TMEM266: variants seen among roughly 807,000 people sequenced by gnomAD.
TMEM266 encodes the protein Hv1 related protein 1.
A neutral mutation model predicts 50.5 loss-of-function variants in TMEM266; 33 were observed. That is an observed-to-expected ratio of 0.65 (90% confidence interval 0.50 to 0.87). The LOEUF is 0.87. TMEM266 is among the 40% of genes least tolerant of loss of function. The probability of loss-of-function intolerance (pLI) is 0.00; values close to 1 mark genes in which losing one functional copy is unlikely to be tolerated. For synonymous variants in TMEM266, 310 were observed against 292.3 expected (o/e 1.06, Z -0.62); for missense variants, 655 against 695.1 (o/e 0.94, Z 0.65).
chr15:76,084,608 T>TG (rs576349602), intron 1 of TMEM266, among the ~76,000 whole-genome samples: 33,335 of 137,372 alleles, frequency 0.24, 4,066 homozygotes, highest in Non-Finnish European at 0.27. Context: ...GTTTTTTTTT[T>TG]TTTGTTTTTT....
At chr15:76,094,239 A>G (rs1421090523) in intron 1 of TMEM266, among the ~76,000 whole-genome samples, 4 of 152,006 alleles carry the variant, frequency 2.6e-5, no homozygotes, top group African/African-American at 7.2e-5. Flanking sequence ...TAGGATTTTT[A>G]TAGTCCTAGG....
chr15:76,079,483 C>T (rs1341520495), intron 1 of TMEM266, among the ~76,000 whole-genome samples: 1 of 147,422 alleles, frequency 6.8e-6, no homozygotes, highest in African/African-American at 2.5e-5. Flanking sequence ...TGCAAAGATA[C>T]TATTTCTAAA....
intron 7 of TMEM266, among the ~76,000 whole-genome samples, chr15:76,172,051 C>A (rs187688484): frequency 6.6e-6 from 1 of 152,248 alleles, no homozygotes; most frequent in Admixed American, 6.5e-5. Flanking sequence ...AAGAGGCCCA[C>A]CCCACCTCAG....
Position 76,204,105 on chromosome 15 carries a change from CCTCGCCCGGCCCAGCCCAG to C in TMEM266, c.1388_1406del (p.Leu463ArgfsTer14), listed in dbSNP as rs1653093490. On this transcript the variant is annotated frameshift_variant, in exon 11 of 11. Coordinates refer to ENST00000388942, the MANE Select transcript of TMEM266 (RefSeq NM_152335.3). LOFTEE classifies it high-confidence loss of function. The stretch of plus-strand genomic sequence containing the variant: ...CCCAGAAGGCCTTGGACCCAGCCCC[CCTCGCCCGGCCCAGCCCAG>C]CGGGCTCGGCCCAAACCAGCCCCGA... 6.2e-7 allele frequency: 1 copy of C among 1,613,032 alleles called. No homozygotes were observed. The highest frequency in any genetic ancestry group is 1.3e-5 in the African/African-American group (1 of 75,036).
At chr15:76,066,596 A>G (rs2036424775) in intron 1 of TMEM266, among the ~76,000 whole-genome samples, 1 of 151,504 alleles carries the variant, frequency 6.6e-6, no homozygotes, top group Admixed American at 6.6e-5. Flanking sequence ...CCTGGTGAAG[A>G]GGGCATTGAA....
chr15:76,120,502 C>T (rs933941067), intron 1 of TMEM266, among the ~76,000 whole-genome samples: 3 of 151,838 alleles, frequency 2.0e-5, no homozygotes, highest in Non-Finnish European at 2.9e-5. Context: ...GGCTCACGCC[C>T]ATAATCCCAG....
intron 5 of TMEM266, among the ~76,000 whole-genome samples, chr15:76,164,094 T>C (rs1453933085): frequency 2.6e-5 from 4 of 152,190 alleles, no homozygotes; most frequent in African/African-American, 9.7e-5. Flanking sequence ...TTTGTCTCTG[T>C]GAACTTAACT....
intron 3 of TMEM266, among the ~76,000 whole-genome samples, chr15:76,155,003 C>A (rs948315986): frequency 1.3e-5 from 2 of 152,234 alleles, no homozygotes; most frequent in African/African-American, 4.8e-5. Flanking sequence ...TCATCATCGT[C>A]GTCATCATCA....
At chr15:76,083,475 C>T (rs941499428) in intron 1 of TMEM266, among the ~76,000 whole-genome samples, 1 of 152,070 alleles carries the variant, frequency 6.6e-6, no homozygotes, top group Admixed American at 6.6e-5. Context: ...ATTTCTGTTT[C>T]TCGAACAGTC....
chr15:76,108,512 G>A (rs1363087396), intron 1 of TMEM266, among the ~76,000 whole-genome samples: 3 of 152,210 alleles, frequency 2.0e-5, no homozygotes, highest in Non-Finnish European at 4.4e-5. Context: ...GATGGGGTCT[G>A]AGGATTTGCA....
At chr15:76,086,412 G>A (rs969114630) in intron 1 of TMEM266, among the ~76,000 whole-genome samples, 1 of 152,212 alleles carries the variant, frequency 6.6e-6, no homozygotes, top group African/African-American at 2.4e-5. Context: ...TGGGGTGATG[G>A]AAATGTTTTA....
intron 2 of TMEM266, among the ~76,000 whole-genome samples, chr15:76,136,097 C>T (rs2037584453): frequency 6.6e-6 from 1 of 152,184 alleles, no homozygotes; most frequent in Admixed American, 6.5e-5. Context: ...GCATGCGCCA[C>T]CACATCCGGC....
At chr15:76,105,201 G>A (rs949326563) in intron 1 of TMEM266, among the ~76,000 whole-genome samples, 4 of 151,938 alleles carry the variant, frequency 2.6e-5, no homozygotes, top group African/African-American at 4.8e-5. Context: ...AGCAGAGATC[G>A]CGCCACTGTA....
At chr15:76,072,178 C>T (rs1453475119) in intron 1 of TMEM266, among the ~76,000 whole-genome samples, 1 of 151,986 alleles carries the variant, frequency 6.6e-6, no homozygotes, top group Non-Finnish European at 1.5e-5. Context: ...GTGGCTCATA[C>T]CTGTAATCCC....
intron 10 of TMEM266, among the ~76,000 whole-genome samples, 193 bp downstream of exon 10, chr15:76,202,457 G>A (rs1201819739): frequency 6.6e-6 from 1 of 152,236 alleles, no homozygotes; most frequent in Non-Finnish European, 1.5e-5. Context: ...GGGGTCCCCA[G>A]GGGCTGAGCC....
At chr15:76,107,500 A>C (rs1020672767) in intron 1 of TMEM266, among the ~76,000 whole-genome samples, 5 of 152,206 alleles carry the variant, frequency 3.3e-5, no homozygotes, top group African/African-American at 1.2e-4. Context: ...CATTTTCCAT[A>C]TGAGCAAACT....
intron 5 of TMEM266, among the ~76,000 whole-genome samples, chr15:76,169,171 G>A (rs2038147026): frequency 6.6e-6 from 1 of 152,032 alleles, no homozygotes; most frequent in Non-Finnish European, 1.5e-5. Flanking sequence ...TTCATTTAAG[G>A]GCACAACCTA....
chr15:76,131,994 C>A (rs1007118379), intron 1 of TMEM266, among the ~76,000 whole-genome samples: 10 of 152,144 alleles, frequency 6.6e-5, no homozygotes, highest in African/African-American at 2.4e-4. Context: ...CCTTTAAGAA[C>A]CTGGGTTCTG....
intron 7 of TMEM266, among the ~76,000 whole-genome samples, chr15:76,174,633 A>T (rs1369650046): frequency 1.3e-5 from 2 of 152,198 alleles, no homozygotes; most frequent in African/African-American, 2.4e-5. Context: ...GAGTGTTTTC[A>T]TGACTCCAAA....
Sources: gnomAD v4.1 joint callset for allele counts (sites outside exome capture counted in the v4.1 genomes callset) on GRCh38, gnomAD v4.1.1 for gene constraint, MANE v1.5 for transcripts, NCBI Gene and HGNC (gene_info 2026-07-23, HGNC 2026-07-21) for gene names.